Variants in DLG1 observed in about 807,000 individuals in gnomAD.
DLG1 encodes discs large MAGUK scaffold protein 1.
DLG1 carries 42 observed loss-of-function variants against 123.4 expected under a neutral mutation model. The observed-to-expected ratio is 0.34, with a 90% CI of 0.27 to 0.44. The LOEUF is 0.44. Ranked by LOEUF, DLG1 falls within the 20% of genes least tolerant of loss-of-function variation. The pLI is 1.00. For missense variants in DLG1, 942 were observed against 1,082.6 expected (o/e 0.87, Z 1.82); for synonymous variants, 317 against 356.2 (o/e 0.89, Z 1.24).
At chr3:197,150,316 T>G (rs932563820) in intron 5 of DLG1, among the ~76,000 whole-genome samples, 1 of 152,138 alleles carries the variant, frequency 6.6e-6, no homozygotes, top group African/African-American at 2.4e-5. Flanking sequence ...TATTTTCAGC[T>G]GCAATGACTG....
In DLG1 at chr3:197,160,400, A is replaced by G. The variant is rs148346871; in HGVS notation, c.484-10604T>C. Among the ~76,000 whole-genome samples the G allele has an allele frequency of 3.3e-3, 506 of 151,610 alleles. 5 individuals are homozygous for G. Among genetic ancestry groups the G allele is most frequent in the African/African-American group, 0.011 (472 of 41,398 alleles). On this transcript the variant is annotated intron_variant, in intron 5 of 24. Transcript: ENST00000667157. ...AAAAAAAACTGTACTAATAAACTCT[A>G]TATATTTGGAAAGATGTTACATTAT...
chr3:197,215,192 G>A (rs781659282), intron 4 of DLG1, among the ~76,000 whole-genome samples: 4 of 152,094 alleles, frequency 2.6e-5, no homozygotes, highest in Admixed American at 6.5e-5. Context: ...AAGATAATGC[G>A]TAATGGCACA....
rs199585026 is a variant in DLG1, at chr3:197,070,881, G to GT, written c.2006-1622dup. On this transcript the variant is annotated intron_variant, in intron 18 of 24. Coordinates refer to ENST00000667157, the MANE Select transcript of DLG1 (RefSeq NM_001366207.1). ...GCCACCGCACCTGGCCAAATGGTAG[G>GT]TTTTTTAAAAGCTCATATTAAAATA... 7.3e-3 allele frequency: 1,104 copies of GT among 152,038 alleles called. 10 individuals carry two copies. The highest frequency in any genetic ancestry group is 0.013 in the Non-Finnish European group (905 of 67,978). The allele number at this position is 152,038 out of a possible 1,614,324, so 9.4% of individuals were successfully genotyped here. A position where few individuals can be genotyped will look rare whatever the true frequency, so the allele number is the denominator to read the frequency against.
rs201406173 is a variant in DLG1, at chr3:197,240,921, CA to C, written c.318+41757del. Among the ~76,000 whole-genome samples the C allele has an allele frequency of 3.2e-3, 199 of 61,696 alleles. 7 individuals carry two copies. The East Asian group carries it at 0.079, about 24-fold the overall frequency. 40.5% of individuals were successfully genotyped at this position (61,696 alleles called of 152,430 possible). A position where few individuals can be genotyped will look rare whatever the true frequency, so the allele number is the denominator to read the frequency against. On this transcript the variant is annotated intron_variant, in intron 4 of 24. Transcript: ENST00000667157. ...GCCTATAAGATATAGAAAATTACCTCAAAAAAAAAATGTAAGAATTATTAGT... is the reference window on the plus strand; with the variant it reads ...GCCTATAAGATATAGAAAATTACCTCAAAAAAAAATGTAAGAATTATTAGT...
chr3:197,095,578 CT>C (rs1579062017), intron 14 of DLG1, among the ~76,000 whole-genome samples: 1 of 152,198 alleles, frequency 6.6e-6, no homozygotes, highest in East Asian at 1.9e-4. Context: ...CCCAATACAT[CT>C]GTATCAGGTG....
chr3:197,246,261 G>A (rs968377040), intron 4 of DLG1, among the ~76,000 whole-genome samples: 1 of 152,084 alleles, frequency 6.6e-6, no homozygotes, highest in Non-Finnish European at 1.5e-5. Flanking sequence ...TGTTTTGAAA[G>A]GGGTCCCTTA....
intron 4 of DLG1, among the ~76,000 whole-genome samples, chr3:197,281,046 G>A (rs1034636383): frequency 1.7e-4 from 25 of 144,228 alleles, no homozygotes; most frequent in South Asian, 1.5e-3. Context: ...TTTTTGAGAC[G>A]GAGTCTCGCT....
intron 10 of DLG1, among the ~76,000 whole-genome samples, chr3:197,132,594 T>A (rs1269616222): frequency 3.3e-5 from 5 of 151,540 alleles, no homozygotes; most frequent in African/African-American, 1.2e-4. Flanking sequence ...AGCTGTGGCA[T>A]ACTGCTGAAA....
At chr3:197,245,023 G>A (rs1750919443) in intron 4 of DLG1, among the ~76,000 whole-genome samples, 1 of 152,144 alleles carries the variant, frequency 6.6e-6, no homozygotes, top group African/African-American at 2.4e-5. Flanking sequence ...CTTTCTGAGG[G>A]ACAGTTCGGA....
chr3:197,294,735 A>G (rs2151283045), intron 3 of DLG1, among the ~76,000 whole-genome samples: 2 of 152,208 alleles, frequency 1.3e-5, no homozygotes, highest in Middle Eastern at 3.4e-3. Flanking sequence ...ACACATTCAA[A>G]ACAGGCAAGG....
In DLG1 at chr3:197,171,185, C is replaced by T. The variant is rs190197483; in HGVS notation, c.484-21389G>A. 1.6e-4 allele frequency among the ~76,000 whole-genome samples: 24 copies of T among 152,134 alleles called. No individual in the cohort carries two copies. The East Asian group carries it at 4.2e-3, about 27-fold the overall frequency. On this transcript the variant is annotated intron_variant, in intron 5 of 24. Transcript: ENST00000667157. ...AGAGAAACTAAAAAAAACTGCAAGC[C>T]TTTTGAATGTTTATAGAAGGATAAA...
chr3:197,161,811 C>T, intron 5 of DLG1: 2 of 898,724 alleles, frequency 2.2e-6, no homozygotes, highest in East Asian at 2.9e-5. Context: ...AAAAGCTGTG[C>T]CATAAAGATA....
chr3:197,246,523 G>A (rs1373801091), intron 4 of DLG1, among the ~76,000 whole-genome samples: 1 of 152,124 alleles, frequency 6.6e-6, no homozygotes, highest in East Asian at 1.9e-4. Flanking sequence ...TCCCCCAAAG[G>A]TTAGCTTCCT....
Position 197,154,310 on chromosome 3 carries a change from A to C in DLG1, c.484-4514T>G, listed in dbSNP as rs187238022. Among the ~76,000 whole-genome samples the C allele has an allele frequency of 2.4e-4, 36 of 152,116 alleles. No individual in the cohort carries two copies. In the East Asian group the frequency reaches 6.6e-3, roughly 28 times the overall value. On this transcript the variant is annotated intron_variant, in intron 5 of 24. Transcript: ENST00000667157. ...GAGCAAGACTCTGTCAAAAAAAACA[A>C]AACAAAACCAAAAAACCAAAAAAAC...
At chr3:197,192,165 C>T (rs1007935385) in intron 5 of DLG1, among the ~76,000 whole-genome samples, 2 of 152,124 alleles carry the variant, frequency 1.3e-5, no homozygotes, top group African/African-American at 4.8e-5. Flanking sequence ...GAGCAAGACC[C>T]TGTCTCAGAA....
intron 3 of DLG1, among the ~76,000 whole-genome samples, chr3:197,288,743 A>AAAAAC (rs1553827364): frequency 1.4e-5 from 1 of 72,096 alleles, no homozygotes; most frequent in Non-Finnish European, 2.4e-5. Context: ...AAAAAAAAAA[A>AAAAAC]ATACATACAT....
At chr3:197,100,392 T>C (rs1291227936) in intron 14 of DLG1, among the ~76,000 whole-genome samples, 1 of 152,120 alleles carries the variant, frequency 6.6e-6, no homozygotes, top group Admixed American at 6.5e-5. Context: ...ACTTGCAAAA[T>C]AGGGATTATG....
chr3:197,119,676 G>T, intron 11 of DLG1, 146 bp from the exon 12 acceptor site: 1 of 794,724 alleles, frequency 1.3e-6, no homozygotes, highest in Non-Finnish European at 1.8e-6. Flanking sequence ...CCAAAAAACT[G>T]GACATTATGT....
In DLG1 at chr3:197,138,333, T is replaced by G. The variant is rs1197166530; in HGVS notation, c.772A>C (p.Lys258Gln). 4 of 1,597,342 alleles carry G rather than the reference T, an allele frequency of 2.5e-6. No individual in the cohort carries two copies. In the African/African-American group the frequency reaches 5.3e-5, roughly 21 times the overall value. Residue 258 changes from lysine (K) to glutamine (Q), a missense_variant, in exon 9 of 25, where the codon AAA becomes CAA. Transcript: ENST00000667157. ...GCTTCTTTCAACGCTTCAACTGCTT[T>G]GCTATGTGTTACATCACGAACATCT... ...EVDVRDVTHS[K>Q]AVEALKEAGS...
Sources: gnomAD v4.1 joint callset for allele counts (sites outside exome capture counted in the v4.1 genomes callset) on GRCh38, gnomAD v4.1.1 for gene constraint, MANE v1.5 for transcripts, NCBI Gene and HGNC (gene_info 2026-07-23, HGNC 2026-07-21) for gene names.